Variants in KIF15 observed in about 807,000 individuals in gnomAD.
KIF15 encodes kinesin-like protein KIF15.
A neutral mutation model predicts 190.6 loss-of-function variants in KIF15; 140 were observed. That is an observed-to-expected ratio of 0.73 (90% CI 0.64 to 0.84). The LOEUF is 0.84. KIF15 is among the 40% of genes least tolerant of loss of function. KIF15 has a pLI of 0.00. For missense variants in KIF15, 1,372 were observed against 1,584.4 expected, an observed-to-expected ratio of 0.87 and a Z score of 2.28; for synonymous variants, 528 against 551.3, an observed-to-expected ratio of 0.96 and a Z score of 0.59.
chr3:44,798,180 T>G (rs1052612947), intron 10 of KIF15, among the ~76,000 whole-genome samples: 1 of 151,914 alleles, frequency 6.6e-6, no homozygotes, highest in African/African-American at 2.4e-5. Context: ...TCTTTTTTTT[T>G]GAGACACAGT....
intron 6 of KIF15, 45 bp from the exon 7 acceptor site, chr3:44,786,350 G>T: frequency 6.6e-7 from 1 of 1,515,670 alleles, no homozygotes; most frequent in South Asian, 1.3e-5. Context: ...AACTAGGTAT[G>T]AACACATGAA....
intron 1 of KIF15, among the ~76,000 whole-genome samples, chr3:44,765,413 C>T (rs962564232): frequency 1.2e-4 from 18 of 152,296 alleles, no homozygotes; most frequent in Middle Eastern, 3.4e-3. Flanking sequence ...AAGTCTATTT[C>T]CCTCCTATAC....
At chr3:44,801,248 G>A (rs112779525) in intron 11 of KIF15, among the ~76,000 whole-genome samples, 1 of 151,164 alleles carries the variant, frequency 6.6e-6, no homozygotes. Flanking sequence ...GGCTGGTCTC[G>A]AACTGCTGAC....
chr3:44,831,994 G>A (rs536331471), intron 26 of KIF15, among the ~76,000 whole-genome samples: 3 of 152,272 alleles, frequency 2.0e-5, no homozygotes, highest in Middle Eastern at 3.4e-3. Flanking sequence ...TGGCATTTGG[G>A]AATGGAAAGA....
intron 32 of KIF15, among the ~76,000 whole-genome samples, chr3:44,851,089 T>C (rs1470909647): frequency 6.6e-6 from 1 of 152,122 alleles, no homozygotes. Flanking sequence ...ATAGCAAGAC[T>C]CCATCTCTAC....
chr3:44,845,524 A>G (rs1395099646), intron 30 of KIF15, among the ~76,000 whole-genome samples: 1 of 152,104 alleles, frequency 6.6e-6, no homozygotes, highest in Non-Finnish European at 1.5e-5. Context: ...CCTAAAAAAA[A>G]AAGAAAGAAA....
rs1472151265 is a variant in KIF15, at chr3:44,838,288, G to C, written c.3185G>C (p.Cys1062Ser). 3 of 1,612,352 alleles carry C rather than the reference G, an allele frequency of 1.9e-6. No individual in the cohort carries two copies. Among genetic ancestry groups the C allele is most frequent in the Non-Finnish European group, 2.5e-6 (3 of 1,179,416 alleles). The change falls in exon 27 of 35, where the codon TGT becomes TCT. Residue 1062 changes from cysteine (C) to serine (S), a missense_variant. Cys to Ser is a moderately radical substitution (Grantham distance 112, BLOSUM62 -1). Transcript: ENST00000326047. ...LSEDIERDML[C>S]EDLAHATEQL... Reference sequence around the variant, plus strand: ...GTCTCCTAACAGAGGGATATGCTCTGTGAGGACCTGGCTCATGCCACTGAG... The same window carrying C: ...GTCTCCTAACAGAGGGATATGCTCTCTGAGGACCTGGCTCATGCCACTGAG...
At chr3:44,820,102 A>T (rs1360255896) in intron 20 of KIF15, among the ~76,000 whole-genome samples, 1 of 152,016 alleles carries the variant, frequency 6.6e-6, no homozygotes, top group Non-Finnish European at 1.5e-5. Flanking sequence ...TGCTTGGTAG[A>T]TCTTCCTCCA....
At chr3:44,847,906 AT>A in intron 30 of KIF15, 78 bp from the exon 31 acceptor site, 1 of 1,022,826 alleles carries the variant, frequency 9.8e-7, no homozygotes, top group Non-Finnish European at 1.5e-6. Context: ...CATATAATGG[AT>A]TTGAATTTGA....
rs1404456272 is a variant in KIF15 at position 44,801,174 on chromosome 3, AT to A, written c.1223-269del. 2.6e-5 allele frequency among the ~76,000 whole-genome samples: 3 copies of A among 114,598 alleles called. No individual in the cohort carries two copies. The East Asian group carries it at 9.7e-4, about 37-fold the overall frequency. 75.2% of individuals were successfully genotyped at this position (114,598 alleles called of 152,430 possible). A position where few individuals can be genotyped will look rare whatever the true frequency, so the allele number is the denominator to read the frequency against. On this transcript the variant is annotated intron_variant, in intron 11 of 34. Transcript: ENST00000326047. Reference sequence around the variant, plus strand: ...AGACCCACGCCACCATGCCCAGCTAATTTTTTTGTATTTTTAGTAGAGATCG... The same window carrying A: ...AGACCCACGCCACCATGCCCAGCTAATTTTTTGTATTTTTAGTAGAGATCG...
At chr3:44,763,491 G>A (rs1225724085) in intron 1 of KIF15, among the ~76,000 whole-genome samples, 5 of 150,492 alleles carry the variant, frequency 3.3e-5, no homozygotes, top group Non-Finnish European at 7.4e-5. Flanking sequence ...TAGTAAAGCC[G>A]GGGTTTCACT....
intron 7 of KIF15, among the ~76,000 whole-genome samples, chr3:44,791,361 C>G (rs1272554161): frequency 2.0e-5 from 3 of 152,154 alleles, no homozygotes; most frequent in Non-Finnish European, 2.9e-5. Context: ...TATTATATAA[C>G]TTGTTGCTAA....
intron 6 of KIF15, chr3:44,863,306 C>CCA (rs1553668746): frequency 9.3e-6 from 1 of 107,006 alleles, no homozygotes; most frequent in Non-Finnish European, 2.2e-5. Context: ...CCGCACCCCC[C>CCA]CCCCCCGCCG....
chr3:44,795,171 C>A (rs1321742634), intron 8 of KIF15, among the ~76,000 whole-genome samples: 1 of 152,066 alleles, frequency 6.6e-6, no homozygotes, highest in Non-Finnish European at 1.5e-5. Flanking sequence ...CAAGAGACAA[C>A]AGGGGTCAGA....
At chr3:44,800,219 G>A (rs1575609474) in intron 10 of KIF15, 95 bp from the exon 11 acceptor site, 4 of 1,163,660 alleles carry the variant, frequency 3.4e-6, no homozygotes, top group East Asian at 5.0e-5. Context: ...TTTGTTTGAT[G>A]TTCATCACTA....
At chr3:44,802,664 C>T in intron 13 of KIF15, 150 bp from the exon 14 acceptor site, 2 of 680,410 alleles carry the variant, frequency 2.9e-6, no homozygotes, top group East Asian at 2.9e-5. Context: ...AAACTGATCA[C>T]AAATGCCAAG....
intron 30 of KIF15, among the ~76,000 whole-genome samples, chr3:44,845,725 C>T (rs566180054): frequency 1.8e-4 from 27 of 148,818 alleles, no homozygotes; most frequent in Non-Finnish European, 3.8e-4. Flanking sequence ...ACAAGAAATT[C>T]CTGCAGGTCC....
At chr3:44,808,282 TTTA>T in intron 16 of KIF15, among the ~76,000 whole-genome samples, 1 of 152,266 alleles carries the variant, frequency 6.6e-6, no homozygotes, top group African/African-American at 2.4e-5. Flanking sequence ...ACTTCTTCCT[TTTA>T]TGACTGAGCA....
chr3:44,866,709 A>T (rs943052558), intron 6 of KIF15, among the ~76,000 whole-genome samples: 2 of 151,988 alleles, frequency 1.3e-5, no homozygotes, highest in Admixed American at 6.5e-5. Flanking sequence ...GCTTACTAAA[A>T]CCATTCCACG....
Sources: gnomAD v4.1 joint callset for allele counts (sites outside exome capture counted in the v4.1 genomes callset) on GRCh38, gnomAD v4.1.1 for gene constraint, MANE v1.5 for transcripts, NCBI Gene and HGNC (gene_info 2026-07-23, HGNC 2026-07-21) for gene names.